The following TTC28 variants were observed in gnomAD, a reference collection of about 807,000 sequenced individuals.
The protein encoded by TTC28 is tetratricopeptide repeat protein 28.
A neutral mutation model predicts 198.0 loss-of-function variants in TTC28; 61 were observed. That is an observed-to-expected ratio of 0.31 (90% CI 0.25 to 0.38). The LOEUF is 0.38. Ranked by LOEUF, TTC28 falls within the 10% of genes least tolerant of loss-of-function variation. TTC28 has a pLI of 1.00. For synonymous variants in TTC28, 1,171 were observed against 1,297.8 expected (o/e 0.90, Z 2.10); for missense variants, 2,678 against 3,164.0 (o/e 0.85, Z 3.69).
chr22:28,152,805 T>C (rs1434493493), intron 6 of TTC28, among the ~76,000 whole-genome samples: 1 of 152,218 alleles, frequency 6.6e-6, no homozygotes, highest in Non-Finnish European at 1.5e-5. Flanking sequence ...AAAGATTCCA[T>C]AAAATATCAT....
At chr22:28,291,744 CAAGGATATTTTTCCAG>C (rs2145767496) in intron 5 of TTC28, among the ~76,000 whole-genome samples, 1 of 152,186 alleles carries the variant, frequency 6.6e-6, no homozygotes, top group East Asian at 1.9e-4. Context: ...GATTTACCTA[CAAGGATATTTTTCCAG>C]ATTTTATAAT....
intron 2 of TTC28, among the ~76,000 whole-genome samples, chr22:28,607,637 G>T (rs1021885374): frequency 1.3e-5 from 2 of 152,112 alleles, no homozygotes; most frequent in Admixed American, 1.3e-4. Context: ...TTTGGAATAG[G>T]TAAGTAGAGG....
intron 2 of TTC28, among the ~76,000 whole-genome samples, chr22:28,478,021 G>A (rs778626272): frequency 1.9e-4 from 29 of 152,126 alleles, no homozygotes; most frequent in Admixed American, 1.8e-3. Flanking sequence ...CCACCCAGCT[G>A]ACCCCTAGAC....
rs142290943 is a variant in TTC28, at chr22:28,165,279, T to C, written c.934-1680A>G. Among the ~76,000 whole-genome samples the C allele has an allele frequency of 1.5e-3, 226 of 152,200 alleles. 6 individuals carry two copies. The East Asian group carries it at 0.038, about 26-fold the overall frequency. On this transcript the variant is annotated intron_variant, in intron 5 of 22. Transcript: ENST00000397906. ...GCAGGGTATTATCCAGGAGAACTTC[T>C]CCAATCTAGCAAGGCAGGCCAACAT...
chr22:28,531,955 C>T (rs1410592659), intron 2 of TTC28, among the ~76,000 whole-genome samples: 1 of 152,122 alleles, frequency 6.6e-6, no homozygotes, highest in Admixed American at 6.6e-5. Context: ...CAAGAGAAAG[C>T]AGGAAAGATC....
chr22:28,197,309 G>A (rs1399488138), intron 5 of TTC28, among the ~76,000 whole-genome samples: 1 of 151,748 alleles, frequency 6.6e-6, no homozygotes, highest in Non-Finnish European at 1.5e-5. Context: ...ATAGCATTAA[G>A]AGATATACCT....
rs78602922 is a variant in TTC28 at position 28,625,049 on chromosome 22, A to G, written c.381+4503T>C. Among the ~76,000 whole-genome samples the G allele has an allele frequency of 4.0e-3, 604 of 152,288 alleles. 7 individuals are homozygous for G. The highest frequency in any genetic ancestry group is 0.014 in the African/African-American group (576 of 41,562). ...AATAGACAAAATTTGACACCCACTC[A>G]TAATAGAAATTAAAGGGAATATCCT... is the stretch of plus-strand genomic sequence containing the variant. On this transcript the variant is annotated intron_variant, in intron 2 of 22. Coordinates refer to ENST00000397906, the MANE Select transcript of TTC28 (RefSeq NM_001145418.2).
chr22:28,603,375 CT>C (rs538025629), intron 2 of TTC28, among the ~76,000 whole-genome samples: 78 of 146,782 alleles, frequency 5.3e-4, no homozygotes, highest in Middle Eastern at 3.5e-3. Flanking sequence ...AATTTTCTTT[CT>C]TTTTTTTTTT....
At chr22:28,259,017 C>A (rs991201403) in intron 5 of TTC28, among the ~76,000 whole-genome samples, 1 of 151,848 alleles carries the variant, frequency 6.6e-6, no homozygotes, top group African/African-American at 2.4e-5. Flanking sequence ...ACAAAGGTGA[C>A]CTCTGAAGTA....
At chr22:28,271,049 C>T (rs756452714) in intron 5 of TTC28, among the ~76,000 whole-genome samples, 1 of 151,886 alleles carries the variant, frequency 6.6e-6, no homozygotes, top group East Asian at 1.9e-4. Context: ...AAGATTACGA[C>T]TATCCAAGCA....
intron 6 of TTC28, among the ~76,000 whole-genome samples, chr22:28,149,336 C>T (rs1943550689): frequency 6.6e-6 from 1 of 152,092 alleles, no homozygotes; most frequent in African/African-American, 2.4e-5. Flanking sequence ...TCACAATAAC[C>T]AAGATACAGA....
intron 2 of TTC28, among the ~76,000 whole-genome samples, chr22:28,437,488 G>C (rs971740516): frequency 1.3e-5 from 2 of 152,138 alleles, no homozygotes; most frequent in African/African-American, 4.8e-5. Flanking sequence ...CCCAGTTTAT[G>C]CTTATCCAAC....
intron 2 of TTC28, among the ~76,000 whole-genome samples, chr22:28,414,087 GTCACATCAT>G (rs1487469947): frequency 1.3e-5 from 2 of 152,160 alleles, no homozygotes; most frequent in African/African-American, 4.8e-5. Context: ...TCATTAATAT[GTCACATCAT>G]CTAATTTTGT....
chr22:28,336,138 C>T (rs185231953), intron 2 of TTC28, among the ~76,000 whole-genome samples: 25 of 152,218 alleles, frequency 1.6e-4, no homozygotes, highest in East Asian at 3.9e-4. Flanking sequence ...TGCTGGATTA[C>T]GTTTATTGAT....
chr22:28,591,040 C>T (rs5762705), intron 2 of TTC28, among the ~76,000 whole-genome samples: 1,032 of 30,208 alleles, frequency 0.034, 30 homozygotes, highest in Non-Finnish European at 0.038. Context: ...CACACACACA[C>T]ATATATATAT....
At chr22:28,595,663 C>T (rs1428942977) in intron 2 of TTC28, among the ~76,000 whole-genome samples, 4 of 152,160 alleles carry the variant, frequency 2.6e-5, no homozygotes, top group Admixed American at 6.5e-5. Context: ...CAGTGACTCA[C>T]GCCTGTAATC....
intron 9 of TTC28, among the ~76,000 whole-genome samples, chr22:28,100,061 T>C (rs1250596499): frequency 1.3e-5 from 2 of 152,204 alleles, no homozygotes; most frequent in African/African-American, 4.8e-5. Context: ...GACTCTGATA[T>C]TTTCCTTTTT....
chr22:28,030,411 C>T (rs1240994353), intron 12 of TTC28, 45 bp from the exon 13 acceptor site: 1 of 1,548,336 alleles, frequency 6.5e-7, no homozygotes, highest in Non-Finnish European at 8.7e-7. Flanking sequence ...AAAGGAAGCG[C>T]TGAGCTATGG....
Position 28,108,383 on chromosome 22 carries a change from C to T in TTC28, c.1462G>A (p.Gly488Ser). Reference protein sequence around the residue: ...SNLGIIHQMKGDYDTALKLHK... With the variant: ...SNLGIIHQMKSDYDTALKLHK... The stretch of plus-strand genomic sequence containing the variant: ...AGTTTCAGTGCAGTGTCATAATCAC[C>T]TTTCATCTGGTGTATGATTCCTGAG... Residue 488 changes from glycine to serine, a missense_variant, in exon 7 of 23, where the codon GGT becomes AGT. Coordinates refer to ENST00000397906, the MANE Select transcript of TTC28 (RefSeq NM_001145418.2). 6.9e-7 allele frequency: 1 copy of T among 1,453,292 alleles called. No individual in the cohort carries two copies. Among genetic ancestry groups the T allele is most frequent in the Middle Eastern group, 1.8e-4 (1 of 5,542 alleles). 90.0% of individuals were successfully genotyped at this position (1,453,292 alleles called of 1,614,324 possible). A position where few individuals can be genotyped will look rare whatever the true frequency, so the allele number is the denominator to read the frequency against.
Sources: gnomAD v4.1 joint callset for allele counts (sites outside exome capture counted in the v4.1 genomes callset) on GRCh38, gnomAD v4.1.1 for gene constraint, MANE v1.5 for transcripts, NCBI Gene and HGNC (gene_info 2026-07-23, HGNC 2026-07-21) for gene names.